APC2: variants seen among roughly 807,000 people sequenced by gnomAD.
APC2 encodes the protein APC regulator of Wnt signaling pathway 2.
APC2 carries 41 observed loss-of-function variants against 72.5 expected under a neutral mutation model. The ratio of observed to expected loss-of-function variants is 0.57; its 90% CI spans 0.44 to 0.73. The LOEUF (loss-of-function observed/expected upper bound fraction) is 0.73. APC2 is among the 30% of genes least tolerant of loss of function. APC2 has a pLI of 0.00. For synonymous variants in APC2, 1,898 were observed against 1,612.0 expected (o/e 1.18, Z -4.25); for missense variants, 3,729 against 3,403.4 (o/e 1.10, Z -2.38).
At chr19:1,449,259 C>T (rs1433109689), upstream of APC2, among the ~76,000 whole-genome samples, 1 of 152,208 alleles carries the variant, frequency 6.6e-6, no homozygotes, top group Non-Finnish European at 1.5e-5. Flanking sequence ...AGTCGCCTCC[C>T]TTTCTGTGCT....
rs754791539 is a variant in APC2, at chr19:1,466,131, C to T, written c.2830C>T (p.Pro944Ser). The part of the protein sequence containing the change: ...DGYCPREHML[P>S]CPLAALASRR... Reference sequence around the variant, plus strand: ...GTACTGCCCACGCGAACATATGCTGCCCTGCCCGCTGGCCGCACTGGCTTC... The same window carrying T: ...GTACTGCCCACGCGAACATATGCTGTCCTGCCCGCTGGCCGCACTGGCTTC... The change falls in exon 15 of 15, where the codon CCC (proline) becomes TCC (serine). Residue 944 changes from proline to serine, a missense_variant. Pro to Ser is a moderately conservative substitution (Grantham distance 74). Coordinates refer to ENST00000590469, the MANE Select transcript of APC2 (RefSeq NM_005883.3). The T allele has an allele frequency of 1.8e-5, 28 of 1,565,876 alleles. No individual in the cohort carries two copies. The highest frequency in any genetic ancestry group is 2.4e-5 in the Non-Finnish European group (28 of 1,166,348).
chr19:1,450,983 G>A (rs1199023323), intron 1 of APC2, among the ~76,000 whole-genome samples: 1 of 152,210 alleles, frequency 6.6e-6, no homozygotes, highest in Non-Finnish European at 1.5e-5. Flanking sequence ...AGGAGTCGGA[G>A]CGTATCCTGA....
In APC2 at chr19:1,467,030, C is replaced by T. The variant is rs761249480; in HGVS notation, c.3729C>T (p.Ile1243=). 2.5e-6 allele frequency: 4 copies of T among 1,611,182 alleles called. No individual in the cohort carries two copies. The highest frequency in any genetic ancestry group is 3.4e-6 in the Non-Finnish European group (4 of 1,179,386). Residue 1243 remains isoleucine (I), a synonymous_variant, in exon 15 of 15, where the codon ATC becomes ATT. Transcript: ENST00000590469. ...GCTACGTGAAGCGCTTCCTGGACAT[C>T]GCCGACTGCCGGGAGCGCTGCCGGC... ...WESYVKRFLD[I]ADCRERCRLP...
chr19:1,467,840 C>G lies in APC2; in HGVS notation c.4539C>G (p.Asp1513Glu). Residue 1513 changes from aspartate (D) to glutamate (E), a missense_variant, in exon 15 of 15, where the codon GAC becomes GAG. Physicochemically the swap from Asp to Glu is conservative, Grantham distance 45 (BLOSUM62 2). Transcript: ENST00000590469. Reference protein sequence around the residue: ...EEAVYCFYGNDSDEEPPAAAP... With the variant: ...EEAVYCFYGNESDEEPPAAAP... ...CCGTGTACTGCTTCTACGGCAACGA[C>G]TCGGACGAGGAGCCCCCGGCGGCCG... The G allele has an allele frequency of 1.3e-6, 2 of 1,531,362 alleles. No individual in the cohort carries two copies. Among genetic ancestry groups the G allele is most frequent in the South Asian group, 2.4e-5 (2 of 81,814 alleles). 94.9% of individuals were successfully genotyped at this position (1,531,362 alleles called of 1,614,324 possible).
In APC2 at chr19:1,466,197, C is replaced by T. The variant is rs779119895; in HGVS notation, c.2896C>T (p.Arg966Trp). The change falls in exon 15 of 15, where the codon CGG becomes TGG. Residue 966 changes from arginine (R) to tryptophan (W), a missense_variant. By Grantham distance (101) the Arg-to-Trp change is moderately radical. Coordinates refer to ENST00000590469, the MANE Select transcript of APC2 (RefSeq NM_005883.3). ...DPRCGQPRPS[R>W]LDLDLPGCQA... ...CAGGTGTGGGCAGCCTCGGCCCAGC[C>T]GGCTTGACCTTGACCTGCCCGGCTG... The T allele has an allele frequency of 1.0e-5, 16 of 1,557,348 alleles. No individual in the cohort carries two copies. The highest frequency in any genetic ancestry group is 2.4e-5 in the East Asian group (1 of 42,448).
rs1442873878 is a variant in APC2, at chr19:1,469,490, G to A, written c.6189G>A (p.Ala2063=). 9.0e-7 allele frequency: 1 copy of A among 1,106,760 alleles called. No homozygotes were observed. Among genetic ancestry groups the A allele is most frequent in the Non-Finnish European group, 1.1e-6 (1 of 911,484 alleles). The allele number at this position is 1,106,760 out of a possible 1,614,324, so 68.6% of individuals were successfully genotyped here. Residue 2063 remains alanine (A), a synonymous_variant, in exon 15 of 15, where the codon GCG becomes GCA. Coordinates refer to ENST00000590469, the MANE Select transcript of APC2 (RefSeq NM_005883.3). The part of the protein sequence containing the change: ...GPAPARQRPP[A]ARPSPGERPA... The stretch of plus-strand genomic sequence containing the variant: ...CCCCGGCCCGGCAGCGGCCCCCCGC[G>A]GCCCGACCCAGCCCTGGCGAGCGCC...
At chr19:1,464,383 T>A in intron 14 of APC2, among the ~76,000 whole-genome samples, 1 of 151,796 alleles carries the variant, frequency 6.6e-6, no homozygotes, top group East Asian at 1.9e-4. Flanking sequence ...TACATGTTAT[T>A]TATGAAAACA....
chr19:1,462,072 G>C lies in APC2; in HGVS notation c.1748G>C (p.Ser583Thr). The change falls in exon 14 of 15, where the codon AGC becomes ACC. Residue 583 changes from serine (S) to threonine (T), a missense_variant. By Grantham distance (58) the Ser-to-Thr change is moderately conservative. Coordinates refer to ENST00000590469, the MANE Select transcript of APC2 (RefSeq NM_005883.3). ...GATGGCGCCCTGGGCTTCCTGGTGA[G>C]CACCCTGACCTACAAGTGTCAGAGC... ...QVDGALGFLV[S>T]TLTYKCQSNS... 6.2e-7 allele frequency: 1 copy of C among 1,613,078 alleles called. No homozygotes were observed. The highest frequency in any genetic ancestry group is 1.1e-5 in the South Asian group (1 of 91,078).
At chr19:1,447,578 G>A (rs2083698863), upstream of APC2, among the ~76,000 whole-genome samples, 1 of 151,990 alleles carries the variant, frequency 6.6e-6, no homozygotes. Context: ...GGGGCTGTGG[G>A]GGGTTCTTGA....
intron 4 of APC2, among the ~76,000 whole-genome samples, chr19:1,454,911 G>C (rs2083796165): frequency 6.6e-6 from 1 of 151,800 alleles, no homozygotes; most frequent in Non-Finnish European, 1.5e-5. Context: ...TTTTTAGAGA[G>C]GGGGTCTCGC....
chr19:1,465,262 C>G lies in APC2; in HGVS notation c.1961C>G (p.Ala654Gly). 1 of 1,607,360 alleles carries G rather than the reference C, an allele frequency of 6.2e-7. No homozygotes were observed. The highest frequency in any genetic ancestry group is 2.2e-5 in the East Asian group (1 of 44,804). Residue 654 changes from alanine (A) to glycine (G), a missense_variant, in exon 15 of 15, where the codon GCC (alanine) becomes GGC (glycine). Ala to Gly is a moderately conservative substitution (Grantham distance 60). Transcript: ENST00000590469. ...TGCGGCACGCTCTGGAACCTGTCGG[C>G]CCGCAGCGCCCGTGACCAGGAGCTG... The part of the protein sequence containing the change: ...NACGTLWNLS[A>G]RSARDQELLW...
intron 13 of APC2, chr19:1,461,408 C>T: frequency 1.9e-6 from 1 of 536,342 alleles, no homozygotes; most frequent in African/African-American, 1.9e-5. Context: ...GACCCCATCT[C>T]TACTAAAAAA....
Position 1,457,036 on chromosome 19 carries a change from GC to G in APC2, c.1004del (p.Pro335GlnfsTer85). Reference sequence around the variant, plus strand: ...GGCCGCGGCCGGGGGTCGCGCCGGGGCCCCAGGGGCACCGGGCGCCAAGGAC... The same window carrying G: ...GGCCGCGGCCGGGGGTCGCGCCGGGGCCCAGGGGCACCGGGCGCCAAGGAC... ...TEAAAGGRAG[A>X]PGAPGAKDAR... is the part of the protein sequence containing the mutation. On this transcript the variant is annotated frameshift_variant, in exon 9 of 15. Transcript: ENST00000590469. LOFTEE classifies it high-confidence loss of function. 6.6e-7 allele frequency: 1 copy of G among 1,526,548 alleles called. No homozygotes were observed. 94.6% of individuals were successfully genotyped at this position (1,526,548 alleles called of 1,614,324 possible).
At chr19:1,455,581 G>A in intron 6 of APC2, 81 bp downstream of exon 6, 1 of 1,366,472 alleles carries the variant, frequency 7.3e-7, no homozygotes, top group Non-Finnish European at 1.0e-6. Flanking sequence ...ATTATGGGCG[G>A]GGTCTGGGGT....
rs1052021315 is a variant in APC2, at chr19:1,469,231, C to T, written c.5930C>T (p.Ser1977Leu). The change falls in exon 15 of 15, where the codon TCA becomes TTA. Residue 1977 changes from serine (S) to leucine (L), a missense_variant. Physicochemically the swap from Ser to Leu is moderately radical, Grantham distance 145 (BLOSUM62 -2). Transcript: ENST00000590469. Reference sequence around the variant, plus strand: ...CGCCTGGGCCTGGTGCGTGTGGCCTCAGCCCTCTCCAGCGGCAGCGAGTCC... The same window carrying T: ...CGCCTGGGCCTGGTGCGTGTGGCCTTAGCCCTCTCCAGCGGCAGCGAGTCC... ...GGRLGLVRVASALSSGSESSD... is the reference protein window; with the variant it reads ...GGRLGLVRVALALSSGSESSD... The T allele has an allele frequency of 2.8e-6, 4 of 1,422,224 alleles. No individual in the cohort carries two copies. In the African/African-American group the frequency reaches 6.0e-5, roughly 21 times the overall value. 88.1% of individuals were successfully genotyped at this position (1,422,224 alleles called of 1,614,324 possible).
At position 1,469,940 on chromosome 19, in the gene APC2, G is replaced by GC. The variant is rs1599166793; in HGVS notation, c.6645dup (p.Gly2216ArgfsTer92). The stretch of plus-strand genomic sequence containing the variant: ...CGTCCCCGAGCCTGGAGACCAGGGA[G>GC]CCCCCCGGGGCCCCCGCCGGCGGCC... On this transcript the variant is annotated frameshift_variant, in exon 15 of 15. Transcript: ENST00000590469. LOFTEE classifies it low-confidence loss of function (END_TRUNC). The GC allele has an allele frequency of 3.3e-6, 5 of 1,509,226 alleles. No individual in the cohort carries two copies. The highest frequency in any genetic ancestry group is 2.1e-5 in the Admixed American group (1 of 47,226). The allele number at this position is 1,509,226 out of a possible 1,614,324, so 93.5% of individuals were successfully genotyped here.
At chr19:1,457,898 G>GGGGGGGGGGGGGGCCCCCC in intron 9 of APC2, 67 bp from the exon 10 acceptor site, 1 of 1,432,326 alleles carries the variant, frequency 7.0e-7, no homozygotes, top group Non-Finnish European at 9.4e-7. Flanking sequence ...CGGGTTGCGG[G>GGGGGGGGGGGGGGCCCCCC]ACCTTCGGGA....
At position 1,467,563 on chromosome 19, in the gene APC2, G is replaced by A. The variant is rs995514327; in HGVS notation, c.4262G>A (p.Gly1421Glu). The A allele has an allele frequency of 1.5e-5, 23 of 1,510,868 alleles. No individual in the cohort carries two copies. Among genetic ancestry groups the A allele is most frequent in the African/African-American group, 7.2e-5 (5 of 69,872 alleles). 93.6% of individuals were successfully genotyped at this position (1,510,868 alleles called of 1,614,324 possible). ...GGACCCCCCAGGGACCAGCCCGGGG[G>A]ACCAGCGGGCAGGCAAAGACCCACC... is the stretch of plus-strand genomic sequence containing the variant. ...LQGPPRDQPG[G>E]PAGRQRPTGR... Residue 1421 changes from glycine (G) to glutamate (E), a missense_variant, in exon 15 of 15, where the codon GGA (glycine) becomes GAA (glutamate). Transcript: ENST00000590469.
At position 1,456,150 on chromosome 19, in the gene APC2, C is replaced by T; in HGVS notation, c.714C>T (p.Pro238=). 1 of 1,588,256 alleles carries T rather than the reference C, an allele frequency of 6.3e-7. No individual in the cohort carries two copies. Among genetic ancestry groups the T allele is most frequent in the Non-Finnish European group, 8.5e-7 (1 of 1,169,790 alleles). Residue 238 remains proline (P), a synonymous_variant, in exon 7 of 15, where the codon CCC becomes CCT. Transcript: ENST00000590469. ...EAQDRVQQTE[P]QALLAVKSVP... is the part of the protein sequence containing the mutation. Reference sequence around the variant, plus strand: ...AGGACCGAGTGCAGCAGACGGAGCCCCAGGTACCGGGTGGGGCAGAGCCAG... The same window carrying T: ...AGGACCGAGTGCAGCAGACGGAGCCTCAGGTACCGGGTGGGGCAGAGCCAG...
Sources: gnomAD v4.1 joint callset for allele counts (sites outside exome capture counted in the v4.1 genomes callset) on GRCh38, gnomAD v4.1.1 for gene constraint, MANE v1.5 for transcripts, NCBI Gene and HGNC (gene_info 2026-07-23, HGNC 2026-07-21) for gene names.